GRM8: variants seen among roughly 807,000 people sequenced by gnomAD.
The protein encoded by GRM8 is glutamate metabotropic receptor 8.
In GRM8, 47 loss-of-function variants were observed where a neutral mutation model predicts 87.2. The ratio of observed to expected loss-of-function variants is 0.54; its 90% CI spans 0.43 to 0.69. The LOEUF (loss-of-function observed/expected upper bound fraction) is 0.69, where lower values mean the gene tolerates loss of function less well. Ranked by LOEUF, GRM8 falls within the 30% of genes least tolerant of loss-of-function variation. The probability of loss-of-function intolerance (pLI) is 0.00; values close to 1 mark genes in which losing one functional copy is unlikely to be tolerated. For missense variants in GRM8, 1,019 were observed against 1,139.2 expected, an observed-to-expected ratio of 0.89 and a Z score of 1.52; for synonymous variants, 396 against 404.5, an observed-to-expected ratio of 0.98 and a Z score of 0.25.
chr7:126,523,104 T>C (rs1813243380), intron 9 of GRM8, among the ~76,000 whole-genome samples: 1 of 152,242 alleles, frequency 6.6e-6, no homozygotes, highest in South Asian at 2.1e-4. Context: ...AGGATTTTTG[T>C]CAACCAAAGA....
intron 6 of GRM8, among the ~76,000 whole-genome samples, chr7:126,855,286 A>G (rs566816334): frequency 6.6e-6 from 1 of 152,226 alleles, no homozygotes; most frequent in South Asian, 2.1e-4. Context: ...CTTTTGGATC[A>G]TCTACATTGT....
chr7:127,084,022 T>C (rs1055157004), intron 3 of GRM8, among the ~76,000 whole-genome samples: 91 of 152,308 alleles, frequency 6.0e-4, no homozygotes, highest in African/African-American at 2.0e-3. Flanking sequence ...TTAGCAGAGA[T>C]ACAAACTTCT....
At position 127,052,667 on chromosome 7, in the gene GRM8, C is replaced by T. The variant is rs140449791; in HGVS notation, c.727+53829G>A. 4.6e-5 allele frequency among the ~76,000 whole-genome samples: 7 copies of T among 152,304 alleles called. No homozygotes were observed. In the East Asian group the frequency reaches 1.2e-3, roughly 25 times the overall value. The stretch of plus-strand genomic sequence containing the variant: ...ATCAACATTACAGCAATGTTCACTA[C>T]TTTATTCCTACTCTTTAGGCATCAC... On this transcript the variant is annotated intron_variant, in intron 3 of 10. Transcript: ENST00000339582.
chr7:126,857,925 G>A lies in GRM8; in HGVS notation c.1156+44617C>T, dbSNP rs140927398. ...AATCCTGCCACTACATTTCCAGCCT[G>A]GGCAAACAGTGAGAACCTGTCTAAA... is the stretch of plus-strand genomic sequence containing the variant. On this transcript the variant is annotated intron_variant, in intron 6 of 10. Transcript: ENST00000339582. Among the ~76,000 whole-genome samples the A allele has an allele frequency of 2.4e-3, 362 of 152,122 alleles. 3 individuals carry two copies. The highest frequency in any genetic ancestry group is 8.5e-3 in the African/African-American group (351 of 41,486).
chr7:126,652,585 CAG>C (rs1804028270), intron 7 of GRM8, among the ~76,000 whole-genome samples: 1 of 152,132 alleles, frequency 6.6e-6, no homozygotes, highest in African/African-American at 2.4e-5. Flanking sequence ...ATAAAGCAGG[CAG>C]AAAAATGTGA....
At chr7:126,770,682 A>G (rs1015552817) in intron 6 of GRM8, among the ~76,000 whole-genome samples, 1 of 152,082 alleles carries the variant, frequency 6.6e-6, no homozygotes, top group African/African-American at 2.4e-5. Flanking sequence ...GAATAAATGT[A>G]CCTGTGTTTG....
intron 3 of GRM8, among the ~76,000 whole-genome samples, chr7:127,032,289 A>G (rs1817452291): frequency 6.6e-6 from 1 of 152,070 alleles, no homozygotes; most frequent in African/African-American, 2.4e-5. Context: ...CACACTTTCT[A>G]CTTTAGCGTT....
At chr7:127,131,398 G>A (rs985793114) in intron 2 of GRM8, among the ~76,000 whole-genome samples, 7 of 152,204 alleles carry the variant, frequency 4.6e-5, no homozygotes, top group African/African-American at 1.7e-4. Flanking sequence ...AAAGTTTTCA[G>A]AGGAAAGTGG....
chr7:126,446,125 C>T lies in GRM8; in HGVS notation c.2677+1G>A. On this transcript the variant is annotated splice_donor_variant, in intron 10 of 10. Coordinates refer to ENST00000339582, the MANE Select transcript of GRM8 (RefSeq NM_000845.3). LOFTEE classifies it high-confidence loss of function. ...CATCGGAAACTCTACAGATGACTTA[C>T]TGTTGGTTTCAAGACTCTCACAGAG... is the stretch of plus-strand genomic sequence containing the variant. 6.2e-7 allele frequency: 1 copy of T among 1,612,610 alleles called. No individual in the cohort carries two copies. Among genetic ancestry groups the T allele is most frequent in the Non-Finnish European group, 8.5e-7 (1 of 1,178,922 alleles).
rs765683586 is a variant in GRM8 at position 127,106,683 on chromosome 7, G to A, written c.540C>T (p.Ala180=). The change falls in exon 3 of 11, where the codon GCC becomes GCT. Residue 180 remains alanine (A), a synonymous_variant. Coordinates refer to ENST00000339582, the MANE Select transcript of GRM8 (RefSeq NM_000845.3). ...ACCTGGTGTTATCACTTAGCTCTGGGGCTGTGGATGCATAGCTGATTTGAG... is the reference window on the plus strand; with the variant it reads ...ACCTGGTGTTATCACTTAGCTCTGGAGCTGTGGATGCATAGCTGATTTGAG... ...KIPQISYAST[A]PELSDNTRYD... 6.2e-7 allele frequency: 1 copy of A among 1,613,196 alleles called. No homozygotes were observed. The highest frequency in any genetic ancestry group is 8.5e-7 in the Non-Finnish European group (1 of 1,179,250).
chr7:126,459,009 G>C, intron 9 of GRM8, among the ~76,000 whole-genome samples: 1 of 133,382 alleles, frequency 7.5e-6, no homozygotes, highest in Non-Finnish European at 1.6e-5. Context: ...AACTTTAATA[G>C]AAAAAAAAAA....
At chr7:127,068,600 C>T (rs1419444) in intron 3 of GRM8, among the ~76,000 whole-genome samples, 113,991 of 152,100 alleles carry the variant, frequency 0.75, 43,993 homozygotes, top group African/African-American at 0.9. Flanking sequence ...AAAGCTGCCT[C>T]GCTGAAGCCA....
intron 2 of GRM8, among the ~76,000 whole-genome samples, chr7:127,192,142 A>G (rs556129076): frequency 6.6e-6 from 1 of 152,348 alleles, no homozygotes; most frequent in African/African-American, 2.4e-5. Flanking sequence ...TATTCTGATT[A>G]AGAAATTCTA....
intron 6 of GRM8, among the ~76,000 whole-genome samples, chr7:126,882,605 T>G (rs968804535): frequency 6.6e-6 from 1 of 152,216 alleles, no homozygotes; most frequent in African/African-American, 2.4e-5. Context: ...TGACAAGGCA[T>G]TAGATTTCAG....
intron 7 of GRM8, among the ~76,000 whole-genome samples, chr7:126,666,402 T>C (rs1178681813): frequency 6.6e-6 from 1 of 152,102 alleles, no homozygotes; most frequent in Non-Finnish European, 1.5e-5. Context: ...GAAAAACAAT[T>C]TCACAGGGAG....
intron 6 of GRM8, among the ~76,000 whole-genome samples, chr7:126,840,602 G>A (rs1796186075): frequency 6.6e-6 from 1 of 152,040 alleles, no homozygotes; most frequent in African/African-American, 2.4e-5. Context: ...TCATTTAAAA[G>A]TTAATTGTTG....
At chr7:127,052,708 G>A (rs17862273) in intron 3 of GRM8, among the ~76,000 whole-genome samples, 10 of 151,814 alleles carry the variant, frequency 6.6e-5, no homozygotes, top group African/African-American at 2.2e-4. Flanking sequence ...TCTCCTTATC[G>A]CTCACCCCAA....
chr7:126,470,643 A>G (rs1175858990), intron 9 of GRM8, among the ~76,000 whole-genome samples: 1 of 152,126 alleles, frequency 6.6e-6, no homozygotes, highest in Non-Finnish European at 1.5e-5. Flanking sequence ...CAGTGCTGCA[A>G]TAAACACACG....
At chr7:127,248,733 T>C (rs1223477951) in intron 1 of GRM8, among the ~76,000 whole-genome samples, 2 of 152,232 alleles carry the variant, frequency 1.3e-5, no homozygotes. Context: ...AACTAAAATA[T>C]GTTACTGGTG....
Sources: gnomAD v4.1 joint callset for allele counts (sites outside exome capture counted in the v4.1 genomes callset) on GRCh38, gnomAD v4.1.1 for gene constraint, MANE v1.5 for transcripts, NCBI Gene and HGNC (gene_info 2026-07-23, HGNC 2026-07-21) for gene names.